PRSS23: variants seen among roughly 807,000 people sequenced by gnomAD.
PRSS23 encodes protease, serine 23.
Under a neutral mutation model 34.7 loss-of-function variants are expected in PRSS23, and 25 were observed. The ratio of observed to expected loss-of-function variants is 0.72; its 90% CI spans 0.53 to 1.01. The LOEUF is 1.01. Ranked by LOEUF, PRSS23 falls within the 50% of genes least tolerant of loss-of-function variation. PRSS23 has a pLI of 0.00. For synonymous variants in PRSS23, 176 were observed against 186.6 expected, an observed-to-expected ratio of 0.94 and a Z score of 0.46; for missense variants, 445 against 475.6, an observed-to-expected ratio of 0.94 and a Z score of 0.60.
intron 1 of PRSS23, among the ~76,000 whole-genome samples, chr11:86,806,882 G>T (rs57857339): frequency 0.099 from 15,000 of 152,196 alleles, 893 homozygotes; most frequent in Non-Finnish European, 0.12. Flanking sequence ...CAATATTAGA[G>T]CTTTAGATAT....
chr11:86,922,520 C>T (rs1949053603), intron 2 of PRSS23, among the ~76,000 whole-genome samples: 2 of 152,044 alleles, frequency 1.3e-5, no homozygotes, highest in Non-Finnish European at 2.9e-5. Flanking sequence ...AAATAATGTC[C>T]TCACACCATC....
chr11:86,799,133 G>A (rs560929928), upstream of PRSS23, among the ~76,000 whole-genome samples: 2 of 152,266 alleles, frequency 1.3e-5, no homozygotes. Context: ...TGACTCACGC[G>A]TGTAATACTT....
intron 2 of PRSS23, among the ~76,000 whole-genome samples, chr11:86,929,620 C>T (rs1344523039): frequency 6.6e-6 from 1 of 152,210 alleles, no homozygotes; most frequent in East Asian, 1.9e-4. Flanking sequence ...CAAAGCGAGA[C>T]TCCGTCTCAA....
intron 2 of PRSS23, among the ~76,000 whole-genome samples, chr11:86,942,074 C>G (rs1344112840): frequency 6.6e-6 from 1 of 152,104 alleles, no homozygotes; most frequent in African/African-American, 2.4e-5. Context: ...TCAGGGAGCT[C>G]AGTTTAGTAA....
chr11:86,938,879 G>C (rs1260453514), intron 2 of PRSS23: 1 of 307,138 alleles, frequency 3.3e-6, no homozygotes, highest in Non-Finnish European at 6.4e-6. Flanking sequence ...TCAGCCTAGA[G>C]TACACCTTTA....
intron 2 of PRSS23, among the ~76,000 whole-genome samples, chr11:86,846,966 C>G (rs1342277892): frequency 1.3e-5 from 2 of 152,208 alleles, no homozygotes; most frequent in Admixed American, 1.3e-4. Flanking sequence ...TAAACTTTCC[C>G]CTTCCTTGGG....
chr11:86,853,336 C>T (rs1428703293), intron 2 of PRSS23, among the ~76,000 whole-genome samples: 1 of 145,834 alleles, frequency 6.9e-6, no homozygotes, highest in Admixed American at 7.1e-5. Flanking sequence ...CTCACCGCAA[C>T]CTCCGCCTCC....
At chr11:86,841,002 A>G (rs943264959) in intron 2 of PRSS23, among the ~76,000 whole-genome samples, 6 of 152,180 alleles carry the variant, frequency 3.9e-5, no homozygotes, top group African/African-American at 9.7e-5. Flanking sequence ...CCCACAAGAG[A>G]AAGAAGGAAA....
Position 86,867,874 on chromosome 11 carries a change from C to CAAAAAAAAAAAAAAAAAAAA in PRSS23, c.206+44298_206+44299insAAAAAAAAAAAAAAAAAAAA, listed in dbSNP as rs11352878. Among the ~76,000 whole-genome samples the CAAAAAAAAAAAAAAAAAAAA allele has an allele frequency of 2.4e-4, 28 of 118,294 alleles. 1 individual carries two copies. Among genetic ancestry groups the CAAAAAAAAAAAAAAAAAAAA allele is most frequent in the African/African-American group, 9.2e-4 (26 of 28,272 alleles). The allele number at this position is 118,294 out of a possible 152,430, so 77.6% of individuals were successfully genotyped here. ...CCAGTGACAGAGTGAGACCCTACCT[C>CAAAAAAAAAAAAAAAAAAAA]AAAAAAAAAAAAAAAAATACAACAG... is the stretch of plus-strand genomic sequence containing the variant. On this transcript the variant is annotated intron_variant, in intron 2 of 2. Transcript: ENST00000533902.
chr11:86,903,083 C>T (rs1179123211), intron 2 of PRSS23, among the ~76,000 whole-genome samples: 1 of 152,072 alleles, frequency 6.6e-6, no homozygotes, highest in Non-Finnish European at 1.5e-5. Context: ...TTCCTGCTAC[C>T]ATTTGATCCA....
chr11:86,928,317 AT>A (rs1949096307), intron 2 of PRSS23, among the ~76,000 whole-genome samples: 1 of 148,360 alleles, frequency 6.7e-6, no homozygotes. Flanking sequence ...TAAGTATATA[AT>A]ACATATGTTT....
At chr11:86,930,285 A>G (rs1271696385) in intron 2 of PRSS23, among the ~76,000 whole-genome samples, 1 of 152,188 alleles carries the variant, frequency 6.6e-6, no homozygotes, top group Non-Finnish European at 1.5e-5. Flanking sequence ...AACCAACATG[A>G]ATGTATAAGC....
intron 2 of PRSS23, among the ~76,000 whole-genome samples, chr11:86,834,479 C>T (rs1046225416): frequency 6.6e-6 from 1 of 151,896 alleles, no homozygotes; most frequent in South Asian, 2.1e-4. Context: ...CTTTTGGCTT[C>T]AATATCTGCT....
chr11:86,886,323 A>G (rs1657652161), intron 2 of PRSS23, among the ~76,000 whole-genome samples: 1 of 152,212 alleles, frequency 6.6e-6, no homozygotes, highest in African/African-American at 2.4e-5. Flanking sequence ...CTTCAGGGAA[A>G]GGACAGCCTG....
intron 2 of PRSS23, among the ~76,000 whole-genome samples, chr11:86,901,477 C>G (rs902533849): frequency 6.6e-6 from 1 of 152,048 alleles, no homozygotes; most frequent in Non-Finnish European, 1.5e-5. Flanking sequence ...TGCCTGAAAC[C>G]AAATTGAATT....
chr11:86,878,960 TCCCG>T (rs1466219514), intron 2 of PRSS23, among the ~76,000 whole-genome samples: 89 of 90,982 alleles, frequency 9.8e-4, no homozygotes, highest in Non-Finnish European at 1.5e-3. Flanking sequence ...CCGGCCGCCA[TCCCG>T]TCTAGGAAGT....
intron 2 of PRSS23, among the ~76,000 whole-genome samples, chr11:86,878,117 C>T (rs1171222813): frequency 6.6e-6 from 1 of 152,078 alleles, no homozygotes; most frequent in Non-Finnish European, 1.5e-5. Flanking sequence ...GATATTACTG[C>T]ATCCAAAACT....
intron 2 of PRSS23, chr11:86,857,660 C>A (rs1948581579): frequency 1.9e-6 from 1 of 538,816 alleles, no homozygotes; most frequent in South Asian, 1.4e-5. Flanking sequence ...CGGTCATAGG[C>A]CATCAGAGTC....
rs909288625 is a variant in PRSS23, at chr11:86,853,468, T to C, written c.206+29875T>C. 4.6e-5 allele frequency among the ~76,000 whole-genome samples: 7 copies of C among 152,122 alleles called. 1 individual carries two copies. Among genetic ancestry groups the C allele is most frequent in the Admixed American group, 2.0e-4 (3 of 15,286 alleles). ...CAGGGTTTCACCGTTTTGGCCAGGC[T>C]GGTCTCGAACTCCTGACCTCAGGTG... On this transcript the variant is annotated intron_variant, in intron 2 of 2. Transcript: ENST00000533902.
Sources: allele counts gnomAD v4.1 joint callset (sites outside exome capture counted in the v4.1 genomes callset), GRCh38; gene constraint gnomAD v4.1.1; transcripts MANE v1.5; gene names NCBI Gene and HGNC (gene_info 2026-07-23, HGNC 2026-07-21).